SEMA4D: variants seen among roughly 807,000 people sequenced by gnomAD.
SEMA4D encodes the protein semaphorin 4D.
A neutral mutation model predicts 74.8 loss-of-function variants in SEMA4D; 22 were observed. That is an observed-to-expected ratio of 0.29 (90% CI 0.21 to 0.42). The LOEUF (loss-of-function observed/expected upper bound fraction) is 0.42, where lower values mean the gene tolerates loss of function less well. SEMA4D is among the 10% of genes least tolerant of loss of function. SEMA4D has a pLI of 1.00. For missense variants in SEMA4D, 937 were observed against 1,118.4 expected (o/e 0.84, Z 2.31); for synonymous variants, 445 against 463.7 (o/e 0.96, Z 0.52).
chr9:89,458,117 A>T (rs1396425053), intron 1 of SEMA4D, among the ~76,000 whole-genome samples: 1 of 152,196 alleles, frequency 6.6e-6, no homozygotes, highest in Non-Finnish European at 1.5e-5. Flanking sequence ...CAGAATAAAA[A>T]GGCAGGCTGT....
At chr9:89,480,115 G>A (rs1239980144) in intron 1 of SEMA4D, among the ~76,000 whole-genome samples, 2 of 152,036 alleles carry the variant, frequency 1.3e-5, no homozygotes, top group African/African-American at 2.4e-5. Context: ...ACAGAGTGTC[G>A]ATTGGTGCAC....
intron 6 of SEMA4D, among the ~76,000 whole-genome samples, chr9:89,395,754 G>A (rs144840625): frequency 1.3e-5 from 2 of 152,232 alleles, no homozygotes; most frequent in African/African-American, 2.4e-5. Context: ...CACCCCAGAC[G>A]TCTGTGTGCA....
At chr9:89,459,539 G>A (rs1038027785) in intron 1 of SEMA4D, among the ~76,000 whole-genome samples, 1 of 152,160 alleles carries the variant, frequency 6.6e-6, no homozygotes, top group Non-Finnish European at 1.5e-5. Context: ...GTGTTGGGGG[G>A]GAGTCTTATT....
At chr9:89,467,505 G>A (rs1419468775) in intron 1 of SEMA4D, among the ~76,000 whole-genome samples, 1 of 151,190 alleles carries the variant, frequency 6.6e-6, no homozygotes, top group Non-Finnish European at 1.5e-5. Context: ...GAGTGGGGGA[G>A]GGGGAACCAC....
At chr9:89,395,091 A>G (rs1403213785) in intron 6 of SEMA4D, among the ~76,000 whole-genome samples, 1 of 152,174 alleles carries the variant, frequency 6.6e-6, no homozygotes, top group Non-Finnish European at 1.5e-5. Context: ...TATACAAGTG[A>G]TACATCTTTT....
chr9:89,401,052 A>G (rs185941970), intron 4 of SEMA4D, among the ~76,000 whole-genome samples: 1 of 152,274 alleles, frequency 6.6e-6, no homozygotes, highest in Non-Finnish European at 1.5e-5. Flanking sequence ...ACAGTGCTGA[A>G]TACTTTGTTT....
intron 2 of SEMA4D, among the ~76,000 whole-genome samples, chr9:89,428,370 C>T (rs528393512): frequency 4.5e-4 from 68 of 152,332 alleles, no homozygotes; most frequent in African/African-American, 1.1e-3. Context: ...ACTGGAAGGA[C>T]GAGGGCAAGA....
At chr9:89,429,350 C>A (rs1848763444) in intron 2 of SEMA4D, among the ~76,000 whole-genome samples, 1 of 152,154 alleles carries the variant, frequency 6.6e-6, no homozygotes, top group African/African-American at 2.4e-5. Flanking sequence ...CTTCTTGGGG[C>A]CAGGAGAGGG....
chr9:89,415,324 GCA>G (rs1425139771), intron 2 of SEMA4D, among the ~76,000 whole-genome samples: 1 of 152,218 alleles, frequency 6.6e-6, no homozygotes, highest in African/African-American at 2.4e-5. Flanking sequence ...TGGCTCCCAG[GCA>G]CAGTGTGGGG....
chr9:89,474,384 G>A (rs1025003135), intron 1 of SEMA4D, among the ~76,000 whole-genome samples: 1 of 152,198 alleles, frequency 6.6e-6, no homozygotes, highest in Middle Eastern at 3.4e-3. Context: ...AGATTACAGT[G>A]GACAAATAAA....
In SEMA4D at chr9:89,405,435, T is replaced by G. The variant is rs1843136283; in HGVS notation, c.22A>C (p.Arg8=). The change falls in exon 3 of 16, where the codon AGG becomes CGG. Residue 8 remains arginine, a synonymous_variant. Coordinates refer to ENST00000422704, the MANE Select transcript of SEMA4D (RefSeq NM_001371194.2). ...ACTGCAAGGGCCATGAGCAGCCCCC[T>G]AATGGGGGTGCACATCCTCATCAGG... is the stretch of plus-strand genomic sequence containing the variant. The part of the protein sequence containing the change: MRMCTPI[R]GLLMALAVMF... The G allele has an allele frequency of 1.2e-6, 2 of 1,613,756 alleles. No homozygotes were observed. The highest frequency in any genetic ancestry group is 1.7e-6 in the Non-Finnish European group (2 of 1,180,002).
chr9:89,477,278 TCACA>T (rs34642998), intron 1 of SEMA4D, among the ~76,000 whole-genome samples: 28,245 of 150,850 alleles, frequency 0.19, 2,912 homozygotes, highest in Middle Eastern at 0.28. Context: ...ACACAAATGC[TCACA>T]CACATTCACA....
chr9:89,393,164 G>T (rs1840219257), intron 7 of SEMA4D, among the ~76,000 whole-genome samples: 1 of 152,186 alleles, frequency 6.6e-6, no homozygotes, highest in Non-Finnish European at 1.5e-5. Flanking sequence ...CATGAGCAAG[G>T]AATTCCCACA....
At chr9:89,373,488 C>T (rs1282446797), downstream of SEMA4D, among the ~76,000 whole-genome samples, 1 of 152,178 alleles carries the variant, frequency 6.6e-6, no homozygotes. Flanking sequence ...AGTCAGCCCT[C>T]TCTGGGGGGT....
Position 89,381,287 on chromosome 9 carries a change from G to A in SEMA4D, c.1506C>T (p.Phe502=). ...NSGVVQAPLA[F]CGKHGTCEDC... ...CCTCGCAGGTGCCGTGCTTCCCACA[G>A]AAGGCCAGCGGGGCCTGGACCACGC... is the stretch of plus-strand genomic sequence containing the variant. The change falls in exon 14 of 16, where the codon TTC becomes TTT. Residue 502 remains phenylalanine, a synonymous_variant. Coordinates refer to ENST00000422704, the MANE Select transcript of SEMA4D (RefSeq NM_001371194.2). The surrounding 1 kb of genome is among the most constrained non-coding windows in gnomAD (Gnocchi z 4.6). The A allele has an allele frequency of 6.3e-7, 1 of 1,577,690 alleles. No homozygotes were observed. The highest frequency in any genetic ancestry group is 1.3e-5 in the African/African-American group (1 of 74,150).
intron 2 of SEMA4D, among the ~76,000 whole-genome samples, chr9:89,440,719 G>A (rs1851510429): frequency 6.6e-6 from 1 of 152,236 alleles, no homozygotes; most frequent in South Asian, 2.1e-4. Context: ...TGCCAGCAGA[G>A]CAAAGTGGGG....
chr9:89,379,057 G>T lies in SEMA4D; in HGVS notation c.2236C>A (p.Leu746Ile). The change falls in exon 16 of 16, where the codon CTC becomes ATC. Residue 746 changes from leucine to isoleucine, a missense_variant. By Grantham distance (5) the Leu-to-Ile change is conservative. Coordinates refer to ENST00000422704, the MANE Select transcript of SEMA4D (RefSeq NM_001371194.2). ...TTGTAGAAAAAGAGGCAGAGGAAGA[G>T]AACAAAGAAGAAGAGGAAGAGGGAC... ...LMSLFLFFFV[L>I]FLCLFFYNCY... is the part of the protein sequence containing the mutation. 1.9e-6 allele frequency: 3 copies of T among 1,613,010 alleles called. No individual in the cohort carries two copies. The highest frequency in any genetic ancestry group is 2.5e-6 in the Non-Finnish European group (3 of 1,179,392).
At chr9:89,422,408 G>C (rs891721117) in intron 2 of SEMA4D, among the ~76,000 whole-genome samples, 4 of 152,220 alleles carry the variant, frequency 2.6e-5, no homozygotes, top group Admixed American at 6.5e-5. Context: ...CGGTTGGGGG[G>C]CCCTGCTGGC....
chr9:89,449,295 G>A (rs1167916829), intron 2 of SEMA4D, among the ~76,000 whole-genome samples: 1 of 152,230 alleles, frequency 6.6e-6, no homozygotes, highest in Admixed American at 6.5e-5. Context: ...CAAGTCACTA[G>A]CTCCCAACTA....
Sources: gnomAD v4.1 joint callset for allele counts (sites outside exome capture counted in the v4.1 genomes callset) on GRCh38, gnomAD v4.1.1 for gene constraint, Gnocchi (gnomAD v3.1) non-coding constraint, MANE v1.5 for transcripts, NCBI Gene and HGNC (gene_info 2026-07-23, HGNC 2026-07-21) for gene names.